MEGF6: variants seen among roughly 807,000 people sequenced by gnomAD.
MEGF6 encodes the protein multiple epidermal growth factor-like domains protein 6.
Under a neutral mutation model 207.1 loss-of-function variants are expected in MEGF6, and 184 were observed. The ratio of observed to expected loss-of-function variants is 0.89; its 90% confidence interval spans 0.79 to 1.00. The LOEUF is 1.00. Ranked by LOEUF, MEGF6 falls within the 50% of genes least tolerant of loss-of-function variation. The pLI is 0.00. For missense variants in MEGF6, 2,282 were observed against 2,202.9 expected (o/e 1.04, Z -0.72); for synonymous variants, 1,038 against 910.0 (o/e 1.14, Z -2.53).
chr1:3,507,516 C>T (rs1428337060), intron 14 of MEGF6, among the ~76,000 whole-genome samples: 1 of 152,192 alleles, frequency 6.6e-6, no homozygotes, highest in East Asian at 1.9e-4. Flanking sequence ...AAAAGTGCTG[C>T]TCTGTAGTCT....
chr1:3,511,948 C>G, intron 8 of MEGF6, 58 bp downstream of exon 8: 1 of 1,609,124 alleles, frequency 6.2e-7, no homozygotes, highest in Admixed American at 1.7e-5. Flanking sequence ...CCTCGGGGTC[C>G]TGGGGAGCAG....
intron 2 of MEGF6, among the ~76,000 whole-genome samples, chr1:3,597,516 T>C (rs569257153): frequency 1.8e-3 from 278 of 152,314 alleles, no homozygotes; most frequent in Non-Finnish European, 2.3e-3. Context: ...TTCTTGGAAA[T>C]AGGGTCTCTG....
At position 3,514,648 on chromosome 1, in the gene MEGF6, T is replaced by C; in HGVS notation, c.755A>G (p.Asn252Ser). The change falls in exon 7 of 37, where the codon AAC becomes AGC. Residue 252 changes from asparagine to serine, a missense_variant. By Grantham distance (46) the Asn-to-Ser change is conservative. Coordinates refer to ENST00000356575, the MANE Select transcript of MEGF6 (RefSeq NM_001409.4). ...CVRRSPCANR[N>S]GSCMHRCQVV... ...CTGGCACCTGTGCATGCAGCTGCCG[T>C]TCCTGTTGGCACACGGGCTTCTACC... 6.3e-7 allele frequency: 1 copy of C among 1,583,330 alleles called. No individual in the cohort carries two copies. Among genetic ancestry groups the C allele is most frequent in the Non-Finnish European group, 8.6e-7 (1 of 1,167,004 alleles).
At chr1:3,607,168 C>T (rs545471747) in intron 1 of MEGF6, among the ~76,000 whole-genome samples, 1 of 152,104 alleles carries the variant, frequency 6.6e-6, no homozygotes, top group Non-Finnish European at 1.5e-5. Context: ...CCTCAGCAAT[C>T]TCAGCTGCCA....
rs535204157 is a variant in MEGF6, at chr1:3,526,542, G to A, written c.482-2296C>T. On this transcript the variant is annotated intron_variant, in intron 4 of 36. Transcript: ENST00000356575. ...GCCTCCTTAGTAGCTGGGATTACAG[G>A]CACCCGCCACCACGCTCGGCTAATT... Among the ~76,000 whole-genome samples the A allele has an allele frequency of 2.0e-5, 3 of 152,188 alleles. No homozygotes were observed. In the South Asian group the frequency reaches 6.2e-4, roughly 32 times the overall value.
chr1:3,618,726 G>T, the MEGF6 span, among the ~76,000 whole-genome samples: 5 of 152,192 alleles, frequency 3.3e-5, no homozygotes, highest in Non-Finnish European at 5.9e-5. The surrounding 1 kb of genome is among the most constrained non-coding windows in gnomAD (Gnocchi z 4.7). Flanking sequence ...CCCAAGCACT[G>T]CCAGCCCTCG....
At chr1:3,564,924 T>A (rs1333415089) in intron 4 of MEGF6, among the ~76,000 whole-genome samples, 2 of 152,060 alleles carry the variant, frequency 1.3e-5, no homozygotes, top group Non-Finnish European at 2.9e-5. Flanking sequence ...ATCCTGACAT[T>A]TTCCATGGCC....
intron 4 of MEGF6, among the ~76,000 whole-genome samples, chr1:3,561,337 C>T (rs1198691977): frequency 6.6e-6 from 1 of 152,208 alleles, no homozygotes; most frequent in East Asian, 1.9e-4. Flanking sequence ...TCTGGAAGGG[C>T]CGGCAAGTTG....
intron 4 of MEGF6, among the ~76,000 whole-genome samples, chr1:3,541,229 C>G (rs143285540): frequency 2.0e-5 from 3 of 152,264 alleles, no homozygotes; most frequent in Admixed American, 1.3e-4. Context: ...CTGAGCGTCA[C>G]AGAGCGGGGC....
At chr1:3,490,840 T>G in intron 36 of MEGF6, 72 bp downstream of exon 36, 3 of 1,521,626 alleles carry the variant, frequency 2.0e-6, no homozygotes, top group East Asian at 2.5e-5. Flanking sequence ...AGATTATACT[T>G]AAGCACTCTT....
intron 5 of MEGF6, 46 bp from the exon 6 acceptor site, chr1:3,515,573 G>A (rs768302664): frequency 1.3e-5 from 21 of 1,592,116 alleles, no homozygotes; most frequent in Non-Finnish European, 1.8e-5. Flanking sequence ...AGGATGCCTG[G>A]CCGACAGTCT....
At chr1:3,538,826 G>A (rs549025886) in intron 4 of MEGF6, among the ~76,000 whole-genome samples, 19 of 151,952 alleles carry the variant, frequency 1.3e-4, no homozygotes, top group African/African-American at 2.2e-4. Context: ...AGCCCTCGAG[G>A]GCTGACACAG....
intron 1 of MEGF6, among the ~76,000 whole-genome samples, chr1:3,603,868 A>G (rs913961591): frequency 2.0e-5 from 3 of 152,178 alleles, no homozygotes; most frequent in Non-Finnish European, 4.4e-5. Flanking sequence ...AGGCTCTTGC[A>G]ATGGAGGACT....
chr1:3,578,927 T>TCACCCAGCTCAGAATGCTGGGGAGAC (rs1557791109), intron 4 of MEGF6, among the ~76,000 whole-genome samples: 2 of 151,280 alleles, frequency 1.3e-5, no homozygotes, highest in Admixed American at 6.6e-5. Flanking sequence ...GGCAGGGGTG[T>TCACCCAGCTCAGAATGCTGGGGAGAC]CCTTCACAAA....
intron 5 of MEGF6, among the ~76,000 whole-genome samples, chr1:3,521,145 G>T (rs924426419): frequency 6.6e-6 from 1 of 152,258 alleles, no homozygotes; most frequent in East Asian, 1.9e-4. Flanking sequence ...TGGCAGGCCT[G>T]GGGGAGGGGC....
At position 3,509,191 on chromosome 1, in the gene MEGF6, A is replaced by G; in HGVS notation, c.1412T>C (p.Leu471Pro). ...LDGELPFVRP[L>P]PHIAVLQDEL... ...GTCCTGGAGCACGGCAATGTGGGGC[A>G]GGGGCCGCACGAAAGGCAGCTCGCC... The change falls in exon 12 of 37, where the codon CTG becomes CCG. Residue 471 changes from leucine to proline, a missense_variant. Transcript: ENST00000356575. 1 of 1,574,620 alleles carries G rather than the reference A, an allele frequency of 6.4e-7. No individual in the cohort carries two copies. The highest frequency in any genetic ancestry group is 2.4e-5 in the East Asian group (1 of 42,484).
At chr1:3,584,548 T>C (rs1643867891) in intron 3 of MEGF6, among the ~76,000 whole-genome samples, 1 of 152,134 alleles carries the variant, frequency 6.6e-6, no homozygotes, top group African/African-American at 2.4e-5. Flanking sequence ...AAGAAGGAGC[T>C]CCAGCTGCCA....
chr1:3,568,130 G>T (rs1404585106), intron 4 of MEGF6, among the ~76,000 whole-genome samples: 1 of 152,190 alleles, frequency 6.6e-6, no homozygotes, highest in Non-Finnish European at 1.5e-5. Flanking sequence ...CTCAGCCACA[G>T]GCTGCAATTT....
At chr1:3,545,174 G>T (rs1023362944) in intron 4 of MEGF6, among the ~76,000 whole-genome samples, 1 of 152,112 alleles carries the variant, frequency 6.6e-6, no homozygotes, top group Non-Finnish European at 1.5e-5. Flanking sequence ...TGCTGCCTCC[G>T]CAGGGACTCC....
Sources: allele counts gnomAD v4.1 joint callset (sites outside exome capture counted in the v4.1 genomes callset), GRCh38; gene constraint gnomAD v4.1.1; non-coding constraint Gnocchi (gnomAD v3.1); transcripts MANE v1.5; gene names NCBI Gene and HGNC (gene_info 2026-07-23, HGNC 2026-07-21).